Variants in RHOBTB3 observed in about 807,000 individuals in gnomAD.
The protein encoded by RHOBTB3 is rho-related BTB domain-containing protein 3.
A neutral mutation model predicts 67.2 loss-of-function variants in RHOBTB3; 47 were observed. That is an observed-to-expected ratio of 0.70 (90% confidence interval 0.55 to 0.89). RHOBTB3 has a LOEUF of 0.89. Among genes scored for constraint, RHOBTB3 ranks in the 40% least tolerant of loss-of-function variants. The probability of loss-of-function intolerance (pLI) is 0.00; values close to 1 mark genes in which losing one functional copy is unlikely to be tolerated. For missense variants in RHOBTB3, 631 were observed against 750.0 expected, an observed-to-expected ratio of 0.84 and a Z score of 1.85; for synonymous variants, 273 against 274.2, an observed-to-expected ratio of 1.00 and a Z score of 0.04.
chr5:95,745,678 C>A (rs954576447), intron 3 of RHOBTB3, among the ~76,000 whole-genome samples: 1 of 151,946 alleles, frequency 6.6e-6, no homozygotes, highest in Non-Finnish European at 1.5e-5. Context: ...TTTATGATAA[C>A]ATCTTAAGCA....
chr5:95,783,584 A>G, intron 9 of RHOBTB3: 1 of 249,232 alleles, frequency 4.0e-6, no homozygotes, highest in Admixed American at 5.3e-5. Flanking sequence ...AAAAAAAAAA[A>G]AGAAGAAGAA....
At chr5:95,738,102 A>G (rs1223074087) in intron 3 of RHOBTB3, among the ~76,000 whole-genome samples, 1 of 152,172 alleles carries the variant, frequency 6.6e-6, no homozygotes, top group African/African-American at 2.4e-5. Flanking sequence ...TGAATATGCC[A>G]TAATTTATTT....
At chr5:95,783,092 TTTTA>T (rs945802304) in intron 9 of RHOBTB3, among the ~76,000 whole-genome samples, 7 of 95,348 alleles carry the variant, frequency 7.3e-5, no homozygotes, top group Non-Finnish European at 1.2e-4. Flanking sequence ...TACTTTTTTA[TTTTA>T]TTTATTTATT....
At chr5:95,770,529 GT>G in intron 8 of RHOBTB3, 4 of 365,198 alleles carry the variant, frequency 1.1e-5, no homozygotes, top group South Asian at 2.8e-5. Context: ...ATGGTTGGGG[GT>G]TTTGTGAATA....
Position 95,731,841 on chromosome 5 carries a change from C to T in RHOBTB3, c.3-18C>T, listed in dbSNP as rs373437579. ...TGACCGTGCTTCCCTTCTCCCCTCG[C>T]CCCCTCTGTCCGTGCAGGTCCATCC... is the stretch of plus-strand genomic sequence containing the variant. On this transcript the variant is annotated intron_variant, in intron 1 of 11. Coordinates refer to ENST00000379982, the MANE Select transcript of RHOBTB3 (RefSeq NM_014899.4). 21 of 1,606,480 alleles carry T rather than the reference C, an allele frequency of 1.3e-5. No homozygotes were observed. Among genetic ancestry groups the T allele is most frequent in the African/African-American group, 6.7e-5 (5 of 74,814 alleles).
chr5:95,724,783 T>G (rs1004946783), intron 1 of RHOBTB3, among the ~76,000 whole-genome samples: 1 of 152,164 alleles, frequency 6.6e-6, no homozygotes, highest in Admixed American at 6.5e-5. Context: ...TCCAGTAAAT[T>G]AGGATAATAA....
intron 3 of RHOBTB3, among the ~76,000 whole-genome samples, chr5:95,743,929 G>A (rs1580400776): frequency 6.6e-6 from 1 of 151,186 alleles, no homozygotes. Flanking sequence ...GGCTGGTCTC[G>A]AACTCCTGAC....
At chr5:95,776,967 C>G (rs895033517) in intron 8 of RHOBTB3, among the ~76,000 whole-genome samples, 1 of 152,140 alleles carries the variant, frequency 6.6e-6, no homozygotes, top group African/African-American at 2.4e-5. Flanking sequence ...CAGGCCTTCC[C>G]CCAAAACTGG....
chr5:95,731,722 A>G (rs1755263224), intron 1 of RHOBTB3, 38 bp downstream of exon 1: 7 of 1,612,978 alleles, frequency 4.3e-6, no homozygotes, highest in Non-Finnish European at 5.9e-6. Context: ...GTCTCTCTCC[A>G]GCGCGTGCCG....
At chr5:95,772,826 A>T (rs1359305669) in intron 8 of RHOBTB3, among the ~76,000 whole-genome samples, 1 of 152,210 alleles carries the variant, frequency 6.6e-6, no homozygotes, top group Non-Finnish European at 1.5e-5. Flanking sequence ...CTTGAAGAAG[A>T]CTTTGCCTTG....
At chr5:95,754,439 C>T (rs1338766380) in intron 5 of RHOBTB3, among the ~76,000 whole-genome samples, 1 of 152,142 alleles carries the variant, frequency 6.6e-6, no homozygotes, top group Non-Finnish European at 1.5e-5. Context: ...AGCCTGGCCT[C>T]CAAAGGACTT....
intron 11 of RHOBTB3, among the ~76,000 whole-genome samples, chr5:95,791,951 A>G (rs1335421896): frequency 6.6e-6 from 1 of 152,078 alleles, no homozygotes; most frequent in Non-Finnish European, 1.5e-5. Flanking sequence ...TTTCAGCCTC[A>G]TTGTCCCCAG....
At chr5:95,751,114 G>A (rs901112167) in intron 4 of RHOBTB3, among the ~76,000 whole-genome samples, 6 of 152,218 alleles carry the variant, frequency 3.9e-5, no homozygotes, top group African/African-American at 1.4e-4. Context: ...CAGGCCTGAA[G>A]CTACGTAAAT....
intron 3 of RHOBTB3, among the ~76,000 whole-genome samples, chr5:95,741,563 T>C (rs1241658119): frequency 1.0e-5 from 1 of 97,256 alleles, no homozygotes; most frequent in Non-Finnish European, 2.0e-5. Flanking sequence ...GATCTTGCTG[T>C]GTTGCCTAGG....
chr5:95,730,810 A>T (rs534579957), upstream of RHOBTB3: 7 of 445,202 alleles, frequency 1.6e-5, no homozygotes, highest in African/African-American at 8.0e-5. Context: ...CTGCAGCAGC[A>T]TGAATGTTGC....
In RHOBTB3 at chr5:95,776,487, C is replaced by T. The variant is rs149993403; in HGVS notation, c.1283-3765C>T. Among the ~76,000 whole-genome samples the T allele has an allele frequency of 7.8e-3, 1,188 of 151,818 alleles. 6 individuals carry two copies. The highest frequency in any genetic ancestry group is 0.013 in the Non-Finnish European group (853 of 67,908). ...ATAATTATATTTTGTAATTATTTCACGCAATAATAATAAATTTGAAGTGAC... is the reference window on the plus strand; with the variant it reads ...ATAATTATATTTTGTAATTATTTCATGCAATAATAATAAATTTGAAGTGAC... On this transcript the variant is annotated intron_variant, in intron 8 of 11. Transcript: ENST00000379982.
At chr5:95,721,033 C>A (rs2112746040) in intron 1 of RHOBTB3, among the ~76,000 whole-genome samples, 1 of 152,264 alleles carries the variant, frequency 6.6e-6, no homozygotes, top group African/African-American at 2.4e-5. Context: ...CATGACACAT[C>A]CCTTAATTTT....
chr5:95,771,436 G>A (rs1561452064), intron 8 of RHOBTB3, among the ~76,000 whole-genome samples: 1 of 152,136 alleles, frequency 6.6e-6, no homozygotes, highest in Non-Finnish European at 1.5e-5. Context: ...TGTACCTTCC[G>A]ACAAGCCACG....
chr5:95,723,400 G>T (rs1328688435), intron 1 of RHOBTB3, among the ~76,000 whole-genome samples: 1 of 152,192 alleles, frequency 6.6e-6, no homozygotes, highest in Non-Finnish European at 1.5e-5. Flanking sequence ...GAAGAAGACT[G>T]TAGTCTCCTT....
Sources: allele counts gnomAD v4.1 joint callset (sites outside exome capture counted in the v4.1 genomes callset), GRCh38; gene constraint gnomAD v4.1.1; transcripts MANE v1.5; gene names NCBI Gene and HGNC (gene_info 2026-07-23, HGNC 2026-07-21).